STRN4: variants seen among roughly 807,000 people sequenced by gnomAD.
STRN4 encodes the protein striatin 4, also known as striatin-4.
In STRN4, 27 loss-of-function variants were observed where a neutral mutation model predicts 77.9. The observed-to-expected ratio is 0.35, with a 90% CI of 0.26 to 0.48. STRN4 has a LOEUF of 0.48. Among genes scored for constraint, STRN4 ranks in the 20% least tolerant of loss-of-function variants. The pLI is 0.99. For missense variants in STRN4, 798 were observed against 1,049.7 expected (o/e 0.76, Z 3.31); for synonymous variants, 466 against 443.1 (o/e 1.05, Z -0.65).
At position 46,722,231 on chromosome 19, in the gene STRN4, C is replaced by T. The variant is rs757336387; in HGVS notation, c.2005+11G>A. 2.5e-5 allele frequency: 41 copies of T among 1,613,850 alleles called. No homozygotes were observed. Among genetic ancestry groups the T allele is most frequent in the Non-Finnish European group, 3.3e-5 (39 of 1,179,890 alleles). On this transcript the variant is annotated intron_variant, in intron 15 of 17. Transcript: ENST00000263280. Reference sequence around the variant, plus strand: ...CCCCACCCACTACGAGCACAAGGGGCTAGGCCTCACCTGTCCGATTGTCCA... The same window carrying T: ...CCCCACCCACTACGAGCACAAGGGGTTAGGCCTCACCTGTCCGATTGTCCA...
In STRN4 at chr19:46,730,663, C is replaced by G. The variant is rs903863666; in HGVS notation, c.879+69G>C. ...ACACCGCAGCCCCTGAAGGCCCAGGCTGACTCGGAAGGGCTTCGATCAGGT... is the reference window on the plus strand; with the variant it reads ...ACACCGCAGCCCCTGAAGGCCCAGGGTGACTCGGAAGGGCTTCGATCAGGT... On this transcript the variant is annotated intron_variant, in intron 6 of 17. Coordinates refer to ENST00000263280, the MANE Select transcript of STRN4 (RefSeq NM_013403.3). 3.8e-6 allele frequency: 6 copies of G among 1,581,020 alleles called. No individual in the cohort carries two copies. The East Asian group carries it at 9.0e-5, about 24-fold the overall frequency.
intron 4 of STRN4, among the ~76,000 whole-genome samples, 161 bp downstream of exon 4, chr19:46,736,662 G>C (rs2270685): frequency 0.34 from 51,574 of 151,728 alleles, 8,911 homozygotes; most frequent in South Asian, 0.41. Flanking sequence ...CCCCAGGCCA[G>C]GCTCCGCCCA....
At chr19:46,726,088 G>A (rs748386648) in intron 9 of STRN4, 2 of 176,390 alleles carry the variant, frequency 1.1e-5, no homozygotes, top group Non-Finnish European at 2.5e-5. Flanking sequence ...ATAAGGAGAG[G>A]GCCCTGGAGA....
At chr19:46,746,103 C>T in intron 1 of STRN4, 46 bp downstream of exon 1, 3 of 1,423,146 alleles carry the variant, frequency 2.1e-6, no homozygotes, top group Non-Finnish European at 1.8e-6. Context: ...GAGGCCGGGC[C>T]GGGCCGGGCC....
chr19:46,728,010 G>A lies in STRN4; in HGVS notation c.1040-3C>T. 1 of 1,613,288 alleles carries A rather than the reference G, an allele frequency of 6.2e-7. No homozygotes were observed. The highest frequency in any genetic ancestry group is 8.5e-7 in the Non-Finnish European group (1 of 1,179,786). Reference sequence around the variant, plus strand: ...TTGGAGTTTGACCCGACGGCTTTCTGCAGGGTCGAGGCATAGGGCCGGAGT... The same window carrying A: ...TTGGAGTTTGACCCGACGGCTTTCTACAGGGTCGAGGCATAGGGCCGGAGT... On this transcript the variant is annotated splice_region_variant and splice_polypyrimidine_tract_variant and intron_variant, in intron 7 of 17. Transcript: ENST00000263280.
rs542724009 is a variant in STRN4 at position 46,741,166 on chromosome 19, A to G, written c.283-2278T>C. 6.6e-6 allele frequency among the ~76,000 whole-genome samples: 1 copy of G among 152,320 alleles called. No homozygotes were observed. The highest frequency in any genetic ancestry group is 6.5e-5 in the Admixed American group (1 of 15,298). ...GCAGGAGAGCGGCAGAGCTGGACAC[A>G]GAGACCCCCATCACAGATGAGGGCA... On this transcript the variant is annotated intron_variant, in intron 1 of 17. Coordinates refer to ENST00000263280, the MANE Select transcript of STRN4 (RefSeq NM_013403.3). The surrounding 1 kb of genome is among the most constrained non-coding windows in gnomAD (Gnocchi z 4.9).
In STRN4 at chr19:46,733,122, C is replaced by G; in HGVS notation, c.654G>C (p.Gly218=). The G allele has an allele frequency of 6.2e-7, 1 of 1,612,998 alleles. No homozygotes were observed. The highest frequency in any genetic ancestry group is 8.5e-7 in the Non-Finnish European group (1 of 1,179,956). The change falls in exon 5 of 18, where the codon GGG becomes GGC. Residue 218 remains glycine (G), a synonymous_variant. Coordinates refer to ENST00000263280, the MANE Select transcript of STRN4 (RefSeq NM_013403.3). The surrounding 1 kb of genome is among the most constrained non-coding windows in gnomAD (Gnocchi z 4.3). ...CAGGGCCTGGTGGAGCCCTGGGGGC[C>G]CCTTCACTCGGCTCCACTGCCCCGT... ...ELNGAVEPSE[G]APRAPPGPAG... is the part of the protein sequence containing the mutation.
chr19:46,736,479 G>C (rs1480113426), intron 4 of STRN4: 4 of 212,532 alleles, frequency 1.9e-5, no homozygotes, highest in African/African-American at 1.2e-4. Flanking sequence ...AAAAAGCCAT[G>C]CTTCATAAAT....
chr19:46,732,186 C>G (rs1038780631), intron 5 of STRN4: 10 of 152,618 alleles, frequency 6.6e-5, no homozygotes, highest in Non-Finnish European at 1.2e-4. Flanking sequence ...TAAAGTCCAT[C>G]AGCTCTGTCC....
chr19:46,743,369 A>C (rs775965484), intron 1 of STRN4, among the ~76,000 whole-genome samples: 1 of 152,208 alleles, frequency 6.6e-6, no homozygotes, highest in African/African-American at 2.4e-5. Context: ...AGTTCCTCTC[A>C]AACTCCAAGA....
rs1329007577 is a variant in STRN4 at position 46,738,610 on chromosome 19, C to A, written c.386+175G>T. ...GTGAATATCGTTCCTGGTGTCTAAC[C>A]CAAATCCCACCTACTCTGTCCTGTT... On this transcript the variant is annotated intron_variant, in intron 2 of 17. Transcript: ENST00000263280. The surrounding 1 kb of genome is among the most constrained non-coding windows in gnomAD (Gnocchi z 4.5). Among the ~76,000 whole-genome samples the A allele has an allele frequency of 1.3e-5, 2 of 152,166 alleles. No homozygotes were observed. The highest frequency in any genetic ancestry group is 4.8e-5 in the African/African-American group (2 of 41,424).
In STRN4 at chr19:46,720,740, C is replaced by T. The variant is rs752357455; in HGVS notation, c.2124G>A (p.Leu708=). The T allele has an allele frequency of 6.2e-7, 1 of 1,604,396 alleles. No homozygotes were observed. The highest frequency in any genetic ancestry group is 1.1e-5 in the South Asian group (1 of 89,370). ...TCTCCTGCACGCACGTTTTGTTGTC[C>T]AGGCTCCAGAGACGCAGGGAGCAGT... The part of the protein sequence containing the change: ...SHDCSLRLWS[L]DNKTCVQEIT... The change falls in exon 17 of 18, where the codon CTG becomes CTA. Residue 708 remains leucine, a synonymous_variant. Coordinates refer to ENST00000263280, the MANE Select transcript of STRN4 (RefSeq NM_013403.3).
At position 46,722,361 on chromosome 19, in the gene STRN4, AG is replaced by A. The variant is rs1568387296; in HGVS notation, c.1907-22del. ...TGGACCTGAAGGAAAACGCAGGAAG[AG>A]GGAAGGATGTCAAGCAGAAAATCAG... On this transcript the variant is annotated intron_variant, in intron 14 of 17. Transcript: ENST00000263280. 2.5e-6 allele frequency: 4 copies of A among 1,610,306 alleles called. No homozygotes were observed. The South Asian group carries it at 4.4e-5, about 18-fold the overall frequency.
chr19:46,739,444 T>C, intron 1 of STRN4: 1 of 161,372 alleles, frequency 6.2e-6, no homozygotes, highest in Non-Finnish European at 1.4e-5. Context: ...GCCGTCCCAC[T>C]GCATTCCGCC....
Position 46,724,736 on chromosome 19 carries a change from C to T in STRN4, c.1594+71G>A, listed in dbSNP as rs528248286. The stretch of plus-strand genomic sequence containing the variant: ...CAGTGTTGGCAAGAGGTGGACGCGA[C>T]GTGTGTGTGCGTGGAGGGGACGGCC... On this transcript the variant is annotated intron_variant, in intron 12 of 17. Coordinates refer to ENST00000263280, the MANE Select transcript of STRN4 (RefSeq NM_013403.3). 5,458 of 1,604,974 alleles carry T rather than the reference C, an allele frequency of 3.4e-3. 51 individuals carry two copies. Among genetic ancestry groups the T allele is most frequent in the Non-Finnish European group, 3.2e-3 (3,722 of 1,174,386 alleles).
intron 3 of STRN4, among the ~76,000 whole-genome samples, chr19:46,737,298 C>A (rs181569861): frequency 2.6e-5 from 4 of 152,344 alleles, no homozygotes; most frequent in Admixed American, 1.3e-4. Context: ...AACAGCATCT[C>A]CCTCTTGGGA....
intron 3 of STRN4, among the ~76,000 whole-genome samples, chr19:46,737,646 A>G (rs2054394835): frequency 6.6e-6 from 1 of 150,452 alleles, no homozygotes; most frequent in Non-Finnish European, 1.5e-5. Context: ...CTCTCCCCTG[A>G]CTCTCCTGCT....
chr19:46,722,290 T>C lies in STRN4; in HGVS notation c.1957A>G (p.Ile653Val). ...VVSHPNQPLTITAHDDRGIRF... is the reference protein window; with the variant it reads ...VVSHPNQPLTVTAHDDRGIRF... ...ATGCCCCTGTCGTCGTGGGCGGTGA[T>C]GGTGAGAGGCTGGTTTGGATGACTC... The change falls in exon 15 of 18, where the codon ATC becomes GTC. Residue 653 changes from isoleucine (I) to valine (V), a missense_variant. Around this residue, in one of 2 missense-constraint regions of STRN4, gnomAD observed 287 missense variants for 473.8 expected, o/e 0.61. Coordinates refer to ENST00000263280, the MANE Select transcript of STRN4 (RefSeq NM_013403.3). The C allele has an allele frequency of 6.2e-7, 1 of 1,614,126 alleles. No individual in the cohort carries two copies. Among genetic ancestry groups the C allele is most frequent in the Non-Finnish European group, 8.5e-7 (1 of 1,180,012 alleles).
rs747506555 is a variant in STRN4 at position 46,722,865 on chromosome 19, C to G, written c.1851G>C (p.Leu617Phe). 6.2e-7 allele frequency: 1 copy of G among 1,613,890 alleles called. No homozygotes were observed. The highest frequency in any genetic ancestry group is 8.5e-7 in the Non-Finnish European group (1 of 1,180,050). Residue 617 changes from leucine to phenylalanine, a missense_variant, in exon 14 of 18, where the codon TTG (leucine) becomes TTC (phenylalanine). Around this residue, in one of 2 missense-constraint regions of STRN4, gnomAD observed 287 missense variants for 473.8 expected, o/e 0.61. Transcript: ENST00000263280. ...GGGCACTGCCAACCTCCATGTCATACAAGACGGTGTCGCCAGAGCGGAAGG... is the reference window on the plus strand; with the variant it reads ...GGGCACTGCCAACCTCCATGTCATAGAAGACGGTGTCGCCAGAGCGGAAGG... ...VASFRSGDTV[L>F]YDMEVGSALL... is the part of the protein sequence containing the mutation.
Sources: gnomAD v4.1 joint callset for allele counts (sites outside exome capture counted in the v4.1 genomes callset) on GRCh38, gnomAD v4.1.1 for gene constraint, gnomAD v4.1.1 regional missense constraint, Gnocchi (gnomAD v3.1) non-coding constraint, MANE v1.5 for transcripts, NCBI Gene and HGNC (gene_info 2026-07-23, HGNC 2026-07-21) for gene names.